Variants in REEP1 observed in about 807,000 individuals in gnomAD.
REEP1 encodes the protein receptor accessory protein 1.
REEP1 carries 22 observed loss-of-function variants against 40.3 expected under a neutral mutation model. That is an observed-to-expected ratio of 0.55 (90% CI 0.39 to 0.78). REEP1 has a LOEUF of 0.78. Ranked by LOEUF, REEP1 falls within the 30% of genes least tolerant of loss-of-function variation. The pLI, the probability that REEP1 is intolerant of heterozygous loss-of-function variation, is 0.00. For synonymous variants in REEP1, 116 were observed against 139.2 expected (o/e 0.83, Z 1.17); for missense variants, 280 against 361.1 (o/e 0.78, Z 1.82).
chr2:86,232,005 C>T (rs1446276042), intron 6 of REEP1, among the ~76,000 whole-genome samples: 1 of 152,144 alleles, frequency 6.6e-6, no homozygotes, highest in Admixed American at 6.5e-5. Flanking sequence ...GCGTGTGACA[C>T]CAGAGTCAGA....
intron 1 of REEP1, among the ~76,000 whole-genome samples, chr2:86,292,709 C>T (rs1157198833): frequency 1.3e-5 from 2 of 152,168 alleles, no homozygotes; most frequent in Non-Finnish European, 2.9e-5. Flanking sequence ...ACTGCTGGGC[C>T]TTCCTATGTG....
At chr2:86,255,810 T>C (rs1676524639) in intron 3 of REEP1, among the ~76,000 whole-genome samples, 2 of 152,176 alleles carry the variant, frequency 1.3e-5, no homozygotes, top group South Asian at 2.1e-4. Flanking sequence ...ACTGGCCTCT[T>C]CAACTGGAAG....
At chr2:86,243,223 C>T (rs753137570) in intron 5 of REEP1, among the ~76,000 whole-genome samples, 1 of 152,024 alleles carries the variant, frequency 6.6e-6, no homozygotes, top group Non-Finnish European at 1.5e-5. Flanking sequence ...AGGGAGGAGG[C>T]AAACATGAGA....
At chr2:86,327,915 A>G (rs1327807122) in intron 1 of REEP1, among the ~76,000 whole-genome samples, 2 of 152,146 alleles carry the variant, frequency 1.3e-5, no homozygotes, top group African/African-American at 4.8e-5. Flanking sequence ...ATAGAAGCAG[A>G]GAAAACAGTC....
At chr2:86,248,981 A>G (rs1676115223) in intron 5 of REEP1, among the ~76,000 whole-genome samples, 1 of 152,182 alleles carries the variant, frequency 6.6e-6, no homozygotes, top group Admixed American at 6.5e-5. Context: ...TGGGAGCACT[A>G]CAAAAGAGGT....
chr2:86,261,867 G>C (rs973757695), intron 3 of REEP1, among the ~76,000 whole-genome samples: 1 of 152,232 alleles, frequency 6.6e-6, no homozygotes, highest in Non-Finnish European at 1.5e-5. Context: ...ACTGAGATAG[G>C]GAAAAACCGC....
At chr2:86,234,152 A>G (rs1574007794) in intron 5 of REEP1, among the ~76,000 whole-genome samples, 1 of 152,036 alleles carries the variant, frequency 6.6e-6, no homozygotes, top group South Asian at 2.1e-4. Flanking sequence ...AGATAGGATC[A>G]AGGAGCAGAC....
chr2:86,316,246 T>A, intron 1 of REEP1, among the ~76,000 whole-genome samples: 1 of 151,980 alleles, frequency 6.6e-6, no homozygotes, highest in Admixed American at 6.6e-5. Flanking sequence ...ACCTAAAAAA[T>A]AATCTAAAGG....
chr2:86,273,459 T>C (rs1160640859), intron 2 of REEP1, among the ~76,000 whole-genome samples: 1 of 152,066 alleles, frequency 6.6e-6, no homozygotes, highest in Non-Finnish European at 1.5e-5. Flanking sequence ...AGTTTTTTTG[T>C]ATTTTTTGTA....
intron 3 of REEP1, among the ~76,000 whole-genome samples, chr2:86,261,075 G>C (rs1161003502): frequency 6.6e-6 from 1 of 152,174 alleles, no homozygotes; most frequent in Admixed American, 6.5e-5. Flanking sequence ...GCCATCATTA[G>C]ATAGGATTTC....
At chr2:86,273,082 ACAG>A (rs1387276170) in intron 2 of REEP1, among the ~76,000 whole-genome samples, 2 of 151,570 alleles carry the variant, frequency 1.3e-5, no homozygotes, top group Non-Finnish European at 2.9e-5. Flanking sequence ...GTGTATAATC[ACAG>A]CTCTGTGATT....
intron 1 of REEP1, among the ~76,000 whole-genome samples, chr2:86,335,411 C>T (rs1680967352): frequency 6.6e-6 from 1 of 152,158 alleles, no homozygotes. Context: ...CATCAACTCT[C>T]CTTGGGCCAC....
chr2:86,281,640 T>A (rs4832033), intron 2 of REEP1, among the ~76,000 whole-genome samples: 74,594 of 151,806 alleles, frequency 0.49, 18,442 homozygotes, highest in East Asian at 0.65. Flanking sequence ...AAAACAAAAC[T>A]ATGAAAACAG....
intron 4 of REEP1, 134 bp downstream of exon 4, chr2:86,254,560 G>A (rs1034197052): frequency 6.9e-6 from 6 of 872,816 alleles, no homozygotes; most frequent in African/African-American, 5.0e-5. Flanking sequence ...TAAAAAAAAC[G>A]ATTAGGAGGA....
chr2:86,261,623 A>G (rs1676857020), intron 3 of REEP1, among the ~76,000 whole-genome samples: 1 of 152,242 alleles, frequency 6.6e-6, no homozygotes, highest in Non-Finnish European at 1.5e-5. Context: ...TGCCTAGGAA[A>G]GCCAGGTATT....
At chr2:86,246,892 G>C (rs1675993625) in intron 5 of REEP1, among the ~76,000 whole-genome samples, 1 of 151,762 alleles carries the variant, frequency 6.6e-6, no homozygotes, top group Non-Finnish European at 1.5e-5. Context: ...GTGGAGACAG[G>C]GTTTCTCCAT....
intron 7 of REEP1, chr2:86,223,809 C>T (rs1674552854): frequency 6.6e-6 from 1 of 151,524 alleles, no homozygotes; most frequent in South Asian, 2.1e-4. Flanking sequence ...GTCCTACATG[C>T]TTGATTTTAA....
At chr2:86,314,306 C>A (rs982637506) in intron 1 of REEP1, among the ~76,000 whole-genome samples, 3 of 152,172 alleles carry the variant, frequency 2.0e-5, no homozygotes, top group Admixed American at 2.0e-4. Flanking sequence ...ATAGGGAAAC[C>A]ACCTCCCCAC....
chr2:86,292,294 A>T (rs1678752544), intron 1 of REEP1, among the ~76,000 whole-genome samples: 1 of 152,250 alleles, frequency 6.6e-6, no homozygotes, highest in Non-Finnish European at 1.5e-5. Flanking sequence ...GACAAATATC[A>T]GTTCCCCTCC....
Sources: allele counts gnomAD v4.1 joint callset (sites outside exome capture counted in the v4.1 genomes callset), GRCh38; gene constraint gnomAD v4.1.1; transcripts MANE v1.5; gene names NCBI Gene and HGNC (gene_info 2026-07-23, HGNC 2026-07-21).